Variants in ATXN1 observed in about 807,000 individuals in gnomAD.
ATXN1 encodes ataxin 1.
ATXN1 carries 8 observed loss-of-function variants against 56.4 expected under a neutral mutation model. The ratio of observed to expected loss-of-function variants is 0.14; its 90% confidence interval spans 0.08 to 0.26. The LOEUF is 0.26. Ranked by LOEUF, ATXN1 falls within the 10% of genes least tolerant of loss-of-function variation. ATXN1 has a pLI of 1.00. For synonymous variants in ATXN1, 514 were observed against 494.6 expected, an observed-to-expected ratio of 1.04 and a Z score of -0.52; for missense variants, 987 against 1,106.5, an observed-to-expected ratio of 0.89 and a Z score of 1.53.
chr6:16,427,661 T>G (rs889870744), intron 6 of ATXN1, among the ~76,000 whole-genome samples: 3 of 152,182 alleles, frequency 2.0e-5, no homozygotes, highest in Non-Finnish European at 4.4e-5. Flanking sequence ...CTCAACTGCC[T>G]CCAGCGTTTC....
chr6:16,406,265 C>A (rs1758683962), intron 6 of ATXN1, among the ~76,000 whole-genome samples: 1 of 152,172 alleles, frequency 6.6e-6, no homozygotes, highest in South Asian at 2.1e-4. Flanking sequence ...CTAAATTAAT[C>A]ATACCAAGGA....
In ATXN1 at chr6:16,327,336, G is replaced by A. The variant is rs200607965; in HGVS notation, c.975C>T (p.Asn325=). 48 of 1,613,266 alleles carry A rather than the reference G, an allele frequency of 3.0e-5. 1 individual carries two copies. Among genetic ancestry groups the A allele is most frequent in the African/African-American group, 2.8e-4 (21 of 75,048 alleles). Residue 325 remains asparagine, a synonymous_variant, in exon 7 of 8, where the codon AAC becomes AAT. Transcript: ENST00000436367. ...ACCGCCGGCTCTTCTCCATCTCACC[G>A]TTCAGGACCTCCTTGGCCTGGATGG... ...QQAIQAKEVL[N]GEMEKSRRYG...
Position 16,710,232 on chromosome 6 carries a change from T to C in ATXN1, c.-615+43001A>G, listed in dbSNP as rs1188067607. On this transcript the variant is annotated intron_variant, in intron 2 of 7. Transcript: ENST00000436367. ...TTATATCGAAAAGCATAAAGTACAA[T>C]TAAATTTTACCAAAGATATGCAATG... Among the ~76,000 whole-genome samples the C allele has an allele frequency of 2.0e-5, 3 of 152,190 alleles. No homozygotes were observed. In the East Asian group the frequency reaches 5.8e-4, roughly 29 times the overall value.
At chr6:16,397,081 C>A (rs1441241648) in intron 6 of ATXN1, among the ~76,000 whole-genome samples, 3 of 152,174 alleles carry the variant, frequency 2.0e-5, no homozygotes, top group Admixed American at 1.3e-4. Flanking sequence ...TTAAGTGATG[C>A]ACGACTGTCC....
At chr6:16,335,809 G>C (rs2113429733) in intron 6 of ATXN1, among the ~76,000 whole-genome samples, 1 of 152,330 alleles carries the variant, frequency 6.6e-6, no homozygotes, top group South Asian at 2.1e-4. Flanking sequence ...GCCCTGTGGA[G>C]GCAGAGGCAG....
chr6:16,338,809 T>C (rs563852853), intron 6 of ATXN1, among the ~76,000 whole-genome samples: 2 of 152,316 alleles, frequency 1.3e-5, no homozygotes, highest in Admixed American at 6.5e-5. Flanking sequence ...ACATCTGTGA[T>C]AGAAAAAGAG....
intron 3 of ATXN1, among the ~76,000 whole-genome samples, chr6:16,617,103 G>A (rs1763228594): frequency 6.6e-6 from 1 of 152,132 alleles, no homozygotes; most frequent in Non-Finnish European, 1.5e-5. Context: ...TATGGAACAT[G>A]CCCCCAGTTG....
intron 4 of ATXN1, among the ~76,000 whole-genome samples, chr6:16,557,468 T>C (rs548259344): frequency 9.2e-5 from 14 of 152,324 alleles, no homozygotes; most frequent in African/African-American, 3.4e-4. Flanking sequence ...ATTCTTTCTA[T>C]ATTTATCTAT....
intron 6 of ATXN1, among the ~76,000 whole-genome samples, chr6:16,344,195 T>C (rs1761323838): frequency 6.6e-6 from 1 of 151,990 alleles, no homozygotes; most frequent in Admixed American, 6.5e-5. Flanking sequence ...GCTCCAACAT[T>C]CTCATCCACA....
At chr6:16,618,357 AC>A (rs1478975693) in intron 3 of ATXN1, among the ~76,000 whole-genome samples, 1 of 152,218 alleles carries the variant, frequency 6.6e-6, no homozygotes, top group Non-Finnish European at 1.5e-5. Flanking sequence ...ACAGCAAACC[AC>A]TATGGCACAT....
rs1438919850 is a variant in ATXN1, at chr6:16,328,032, G to A, written c.279C>T (p.Pro93=). The A allele has an allele frequency of 1.9e-6, 3 of 1,613,728 alleles. No individual in the cohort carries two copies. Among genetic ancestry groups the A allele is most frequent in the Non-Finnish European group, 8.5e-7 (1 of 1,179,766 alleles). Residue 93 remains proline (P), a synonymous_variant, in exon 7 of 8, where the codon CCC becomes CCT. Transcript: ENST00000436367. The surrounding 1 kb of genome is among the most constrained non-coding windows in gnomAD (Gnocchi z 6.2). ...GCGTGGTGGCCACGGGGACAGACCT[G>A]GGAGCGCTGGGCGGGGAGTAGTCCA... is the stretch of plus-strand genomic sequence containing the variant. The part of the protein sequence containing the change: ...TGLDYSPPSA[P]RSVPVATTLP...
At chr6:16,433,732 C>T (rs917181626) in intron 6 of ATXN1, among the ~76,000 whole-genome samples, 1 of 152,130 alleles carries the variant, frequency 6.6e-6, no homozygotes, top group African/African-American at 2.4e-5. Flanking sequence ...TGAAACAGAA[C>T]AAAAGTAAGA....
chr6:16,651,778 T>C (rs1032642362), intron 3 of ATXN1, among the ~76,000 whole-genome samples: 1 of 152,192 alleles, frequency 6.6e-6, no homozygotes, highest in African/African-American at 2.4e-5. Flanking sequence ...GAGACAGAAA[T>C]ACTAGTTGTG....
chr6:16,647,846 C>T (rs1478553539), intron 3 of ATXN1, among the ~76,000 whole-genome samples: 4 of 152,120 alleles, frequency 2.6e-5, no homozygotes, highest in South Asian at 2.1e-4. Context: ...GAGGCTGAGA[C>T]GGGTGGATCA....
chr6:16,449,862 C>T (rs1759719560), intron 6 of ATXN1, among the ~76,000 whole-genome samples: 1 of 152,082 alleles, frequency 6.6e-6, no homozygotes, highest in Admixed American at 6.5e-5. Flanking sequence ...AAAAAATATA[C>T]CTAACAACAA....
intron 2 of ATXN1, among the ~76,000 whole-genome samples, chr6:16,689,907 A>G (rs73725218): frequency 1.3e-3 from 194 of 152,242 alleles, no homozygotes; most frequent in African/African-American, 4.3e-3. Flanking sequence ...CGTTTGATCA[A>G]CCAAAGATGG....
intron 4 of ATXN1, among the ~76,000 whole-genome samples, chr6:16,566,691 A>AG (rs1301946525): frequency 6.6e-6 from 1 of 151,906 alleles, no homozygotes; most frequent in Non-Finnish European, 1.5e-5. Context: ...GTCTCTACTA[A>AG]AAATACAAAA....
At position 16,373,991 on chromosome 6, in the gene ATXN1, A is replaced by G. The variant is rs540759473; in HGVS notation, c.-160-45521T>C. On this transcript the variant is annotated intron_variant, in intron 6 of 7. Transcript: ENST00000436367. ...CCAACATGTTATATCAATGTTCTGT[A>G]AATAGGCACATGTTACATAAAGCAC... 4.1e-4 allele frequency among the ~76,000 whole-genome samples: 62 copies of G among 152,312 alleles called. 1 individual carries two copies. The highest frequency in any genetic ancestry group is 1.3e-3 in the African/African-American group (56 of 41,574).
chr6:16,743,823 C>CA (rs927243585), intron 2 of ATXN1, among the ~76,000 whole-genome samples: 3 of 152,000 alleles, frequency 2.0e-5, no homozygotes, highest in African/African-American at 7.3e-5. Flanking sequence ...AAGGCTGGAG[C>CA]AAAAAACAGA....
Sources: gnomAD v4.1 joint callset for allele counts (sites outside exome capture counted in the v4.1 genomes callset) on GRCh38, gnomAD v4.1.1 for gene constraint, Gnocchi (gnomAD v3.1) non-coding constraint, MANE v1.5 for transcripts, NCBI Gene and HGNC (gene_info 2026-07-23, HGNC 2026-07-21) for gene names.